Variants in HP1BP3 observed in about 807,000 individuals in gnomAD.
HP1BP3 encodes heterochromatin protein 1 binding protein 3, also known as heterochromatin protein 1-binding protein 3.
A neutral mutation model predicts 62.5 loss-of-function variants in HP1BP3; 12 were observed. The observed-to-expected ratio is 0.19, with a 90% confidence interval of 0.12 to 0.31. HP1BP3 has a LOEUF of 0.31. Ranked by LOEUF, HP1BP3 falls within the 10% of genes least tolerant of loss-of-function variation. HP1BP3 has a pLI of 1.00. For missense variants in HP1BP3, 502 were observed against 651.8 expected (o/e 0.77, Z 2.50); for synonymous variants, 260 against 237.8 (o/e 1.09, Z -0.86).
intron 9 of HP1BP3, among the ~76,000 whole-genome samples, chr1:20,754,698 C>G (rs1022553109): frequency 6.6e-6 from 1 of 152,136 alleles, no homozygotes; most frequent in Non-Finnish European, 1.5e-5. Flanking sequence ...AATTGATTTT[C>G]ATAAGATGCT....
Position 20,744,886 on chromosome 1 carries a change from T to C in HP1BP3, c.1573A>G (p.Lys525Glu). ...VIKKPSGGSS[K>E]KPATSARKEV... is the part of the protein sequence containing the mutation. ...TTTCTTGCACTGGTTGCAGGCTTCT[T>C]TGAGGAGCCACCACTAGGTTTCTTG... is the stretch of plus-strand genomic sequence containing the variant. Residue 525 changes from lysine (K) to glutamate (E), a missense_variant, in exon 13 of 13, where the codon AAG becomes GAG. Lys to Glu is a moderately conservative substitution (Grantham distance 56, BLOSUM62 1). Around this residue, in one of 5 missense-constraint regions of HP1BP3, gnomAD observed 194 missense variants for 207.0 expected, o/e 0.94. Coordinates refer to ENST00000438032, the MANE Select transcript of HP1BP3 (RefSeq NM_001372052.1). The C allele has an allele frequency of 6.2e-7, 1 of 1,614,166 alleles. No homozygotes were observed. The highest frequency in any genetic ancestry group is 8.5e-7 in the Non-Finnish European group (1 of 1,180,006).
intron 8 of HP1BP3, among the ~76,000 whole-genome samples, chr1:20,762,040 T>A (rs1043269113): frequency 6.6e-6 from 1 of 152,208 alleles, no homozygotes; most frequent in African/African-American, 2.4e-5. Flanking sequence ...GGGGAGACAT[T>A]GTAGATACCA....
chr1:20,781,446 G>A (rs2057541611), intron 1 of HP1BP3, among the ~76,000 whole-genome samples: 1 of 152,142 alleles, frequency 6.6e-6, no homozygotes, highest in South Asian at 2.1e-4. Flanking sequence ...AAATCCGGAA[G>A]ATTGAAACAA....
At position 20,767,609 on chromosome 1, in the gene HP1BP3, G is replaced by A; in HGVS notation, c.710C>T (p.Thr237Ile). 1 of 1,611,064 alleles carries A rather than the reference G, an allele frequency of 6.2e-7. No individual in the cohort carries two copies. The highest frequency in any genetic ancestry group is 8.5e-7 in the Non-Finnish European group (1 of 1,178,404). ...CTTTCTGTTTCTGGATTTCTGAGGT[G>A]TTTTTCTTGATTTCTGAACCACAAC... ...SFVVVQKSRK[T>I]PQKSRNRKNR... The change falls in exon 7 of 13, where the codon ACA becomes ATA. Residue 237 changes from threonine (T) to isoleucine (I), a missense_variant. Physicochemically the swap from Thr to Ile is moderately conservative, Grantham distance 89 (BLOSUM62 -1). Coordinates refer to ENST00000438032, the MANE Select transcript of HP1BP3 (RefSeq NM_001372052.1).
In HP1BP3 at chr1:20,765,400, A is replaced by G. The variant is rs1337696337; in HGVS notation, c.867T>C (p.Tyr289=). Reference sequence around the variant, plus strand: ...ACCTGATGTCCACTCTAAGCTTAGGATAATACTGAGACACATATTTCCTGA... The same window carrying G: ...ACCTGATGTCCACTCTAAGCTTAGGGTAATACTGAGACACATATTTCCTGA... The part of the protein sequence containing the change: ...SLIRKYVSQY[Y]PKLRVDIRPQ... Residue 289 remains tyrosine, a synonymous_variant, in exon 8 of 13, where the codon TAT becomes TAC. Transcript: ENST00000438032. 6.2e-7 allele frequency: 1 copy of G among 1,612,446 alleles called. No homozygotes were observed. The highest frequency in any genetic ancestry group is 2.2e-5 in the East Asian group (1 of 44,844).
At chr1:20,773,127 G>T (rs2057134703) in intron 5 of HP1BP3, among the ~76,000 whole-genome samples, 1 of 152,102 alleles carries the variant, frequency 6.6e-6, no homozygotes. Flanking sequence ...GCCCAACAGA[G>T]GAAGGTAGTC....
In HP1BP3 at chr1:20,740,745, G is replaced by A. The variant is rs1001315666; in HGVS notation, c.*4052C>T. Among the ~76,000 whole-genome samples, 11 of 152,206 alleles carry A rather than the reference G, an allele frequency of 7.2e-5. No homozygotes were observed. Among genetic ancestry groups the A allele is most frequent in the Non-Finnish European group, 1.5e-5 (1 of 68,030 alleles). ...GGTGGGGAGAACTGCTTGAGCACAC[G>A]AGTTCAAAGCTGCAGTGAGCCAAGA... On this transcript the variant is annotated 3_prime_UTR_variant, in exon 13 of 13. Coordinates refer to ENST00000438032, the MANE Select transcript of HP1BP3 (RefSeq NM_001372052.1).
At chr1:20,751,456 A>G (rs1433019412) in intron 9 of HP1BP3, among the ~76,000 whole-genome samples, 1 of 152,122 alleles carries the variant, frequency 6.6e-6, no homozygotes, top group East Asian at 1.9e-4. Flanking sequence ...GGAGCACGGT[A>G]GTTCATATCT....
rs971844528 is a variant in HP1BP3 at position 20,741,274 on chromosome 1, C to T, written c.*3523G>A. 6.6e-6 allele frequency among the ~76,000 whole-genome samples: 1 copy of T among 152,108 alleles called. No individual in the cohort carries two copies. The highest frequency in any genetic ancestry group is 2.4e-5 in the African/African-American group (1 of 41,410). ...TTTAATGAACATGGCTGGTGAGTTT[C>T]GTTCTCATGACGTATCAAGATGGCA... On this transcript the variant is annotated 3_prime_UTR_variant, in exon 13 of 13. Coordinates refer to ENST00000438032, the MANE Select transcript of HP1BP3 (RefSeq NM_001372052.1).
chr1:20,779,711 G>GGA (rs767729397), intron 3 of HP1BP3, 101 bp downstream of exon 3: 5 of 492,570 alleles, frequency 1.0e-5, no homozygotes, highest in East Asian at 4.1e-5. Flanking sequence ...ACTTAGCCAT[G>GGA]AAAAAAAAAA....
intron 11 of HP1BP3, among the ~76,000 whole-genome samples, chr1:20,746,623 G>A (rs1243602185): frequency 6.6e-6 from 1 of 152,112 alleles, no homozygotes; most frequent in Non-Finnish European, 1.5e-5. Context: ...TTGTTTCAAA[G>A]AATAAATAAG....
chr1:20,757,343 C>T (rs1415015507), intron 8 of HP1BP3, 87 bp from the exon 9 acceptor site: 43 of 712,460 alleles, frequency 6.0e-5, no homozygotes, highest in Non-Finnish European at 6.7e-6. Flanking sequence ...ATTCCCAGAT[C>T]TAGAGTTCTG....
At chr1:20,759,612 G>C (rs1284558824) in intron 8 of HP1BP3, among the ~76,000 whole-genome samples, 1 of 152,160 alleles carries the variant, frequency 6.6e-6, no homozygotes, top group Non-Finnish European at 1.5e-5. Context: ...CAGACTTCGA[G>C]TCTGCACAAC....
rs1452556230 is a variant in HP1BP3 at position 20,782,276 on chromosome 1, A to T, written c.-100-1736T>A. On this transcript the variant is annotated intron_variant, in intron 1 of 12. Transcript: ENST00000438032. The stretch of plus-strand genomic sequence containing the variant: ...AACATTAGACTTGGTCTTTACCAAA[A>T]GTAAATAAATTAAAATTTAAAAACA... Among the ~76,000 whole-genome samples the T allele has an allele frequency of 2.0e-5, 3 of 152,150 alleles. No individual in the cohort carries two copies. In the East Asian group the frequency reaches 5.8e-4, roughly 29 times the overall value.
At chr1:20,757,432 C>T (rs1224634272) in intron 8 of HP1BP3, among the ~76,000 whole-genome samples, 176 bp from the exon 9 acceptor site, 1 of 149,868 alleles carries the variant, frequency 6.7e-6, no homozygotes, top group African/African-American at 2.5e-5. Flanking sequence ...AGTGCAATGG[C>T]ACGATATTGG....
intron 8 of HP1BP3, among the ~76,000 whole-genome samples, chr1:20,764,508 C>A (rs12754303): frequency 1.3e-5 from 2 of 151,470 alleles, no homozygotes; most frequent in South Asian, 4.2e-4. Context: ...CACAGCCAGC[C>A]TAGTTTTTTT....
intron 3 of HP1BP3, among the ~76,000 whole-genome samples, chr1:20,778,249 T>C (rs148252686): frequency 3.0e-4 from 46 of 152,384 alleles, no homozygotes; most frequent in South Asian, 6.2e-4. Flanking sequence ...ATATGTATTA[T>C]GTATAAGACT....
rs958213594 is a variant in HP1BP3, at chr1:20,780,551, G to C, written c.-100-11C>G. On this transcript the variant is annotated splice_polypyrimidine_tract_variant and intron_variant, in intron 1 of 12. Coordinates refer to ENST00000438032, the MANE Select transcript of HP1BP3 (RefSeq NM_001372052.1). The stretch of plus-strand genomic sequence containing the variant: ...TGGTGAAGAATCAACCTAAAGCACA[G>C]AAAAGACCTGGTGTGAAGATTAACA... 1.4e-6 allele frequency: 1 copy of C among 725,528 alleles called. No individual in the cohort carries two copies. The highest frequency in any genetic ancestry group is 2.6e-5 in the East Asian group (1 of 38,284). 44.9% of individuals were successfully genotyped at this position (725,528 alleles called of 1,614,324 possible).
At chr1:20,768,903 C>G (rs1388640844) in intron 6 of HP1BP3, among the ~76,000 whole-genome samples, 1 of 152,186 alleles carries the variant, frequency 6.6e-6, no homozygotes. Flanking sequence ...ATGCAGCAAT[C>G]AAGCTGGAAT....
Sources: gnomAD v4.1 joint callset for allele counts (sites outside exome capture counted in the v4.1 genomes callset) on GRCh38, gnomAD v4.1.1 for gene constraint, gnomAD v4.1.1 regional missense constraint, MANE v1.5 for transcripts, NCBI Gene and HGNC (gene_info 2026-07-23, HGNC 2026-07-21) for gene names.